ZNF655: variants seen among roughly 807,000 people sequenced by gnomAD.
ZNF655 encodes zinc finger protein 655, also known as Vav-interacting Kruppel-like protein 1.
In ZNF655, 3 loss-of-function variants were observed where a neutral mutation model predicts 6.6. The ratio of observed to expected loss-of-function variants is 0.46; its 90% confidence interval spans 0.21 to 1.18. ZNF655 has a LOEUF of 1.18. ZNF655 is among the 50% of genes most tolerant of loss of function. The probability of loss-of-function intolerance (pLI) is 0.24; values close to 1 mark genes in which losing one functional copy is unlikely to be tolerated. For synonymous variants in ZNF655, 178 were observed against 195.0 expected (o/e 0.91, Z 0.73); for missense variants, 526 against 572.3 (o/e 0.92, Z 0.83).
At chr7:99,563,849 T>C in intron 2 of ZNF655, 2 of 1,602,544 alleles carry the variant, frequency 1.2e-6, no homozygotes, top group East Asian at 4.5e-5. Flanking sequence ...TTCCTGGCTC[T>C]TTAATCTTTG....
At chr7:99,566,041 G>GTGTGTGTATA (rs59166250) in intron 2 of ZNF655, among the ~76,000 whole-genome samples, 6 of 149,996 alleles carry the variant, frequency 4.0e-5, no homozygotes, top group African/African-American at 1.5e-4. Flanking sequence ...GTGTGTGTGT[G>GTGTGTGTATA]TATATATATA....
At chr7:99,562,613 AC>A (rs1803285690) in intron 2 of ZNF655, 2 of 976,128 alleles carry the variant, frequency 2.0e-6, no homozygotes, top group Non-Finnish European at 2.9e-6. Context: ...AGGACTTAGA[AC>A]CTCTGAATCC....
In ZNF655 at chr7:99,563,247, T is replaced by A. The variant is rs1342071829; in HGVS notation, c.136+2552T>A. 4 of 441,596 alleles carry A rather than the reference T, an allele frequency of 9.1e-6. No individual in the cohort carries two copies. In the East Asian group the frequency reaches 3.0e-4, roughly 34 times the overall value. 27.4% of individuals were successfully genotyped at this position (441,596 alleles called of 1,614,324 possible). A position where few individuals can be genotyped will look rare whatever the true frequency, so the allele number is the denominator to read the frequency against. On this transcript the variant is annotated intron_variant, in intron 2 of 2. Transcript: ENST00000252713. ...TGCTGCTGGGAAGCATCAGTGGGGT[T>A]TGTCGGCAGCTCCCTTGGTGTGAGC...
chr7:99,562,183 C>T (rs551719091), intron 2 of ZNF655: 3 of 818,178 alleles, frequency 3.7e-6, no homozygotes, highest in South Asian at 4.2e-5. Context: ...TCTCTTTGTC[C>T]ATGGTTGTGT....
chr7:99,566,039 G>GTA (rs1031240784), intron 2 of ZNF655, among the ~76,000 whole-genome samples: 11 of 151,288 alleles, frequency 7.3e-5, no homozygotes, highest in Non-Finnish European at 1.6e-4. Flanking sequence ...GTGTGTGTGT[G>GTA]TGTATATATA....
In ZNF655 at chr7:99,572,644, A is replaced by G. The variant is rs752646892; in HGVS notation, c.536A>G (p.Asn179Ser). ...NSASGKHEHL[N>S]LTEDFQSSEC... ...GCCTCTGGTAAACATGAACACTTAAATCTAACAGAGGATTTTCAGAGTAGT... is the reference window on the plus strand; with the variant it reads ...GCCTCTGGTAAACATGAACACTTAAGTCTAACAGAGGATTTTCAGAGTAGT... Residue 179 changes from asparagine (N) to serine (S), a missense_variant, in exon 3 of 3, where the codon AAT becomes AGT. Transcript: ENST00000252713. The G allele has an allele frequency of 1.9e-6, 3 of 1,613,608 alleles. No individual in the cohort carries two copies. The highest frequency in any genetic ancestry group is 2.7e-5 in the African/African-American group (2 of 74,930).
At chr7:99,567,974 G>A (rs1026700988) in intron 2 of ZNF655, among the ~76,000 whole-genome samples, 5 of 149,732 alleles carry the variant, frequency 3.3e-5, no homozygotes, top group Admixed American at 6.7e-5. Context: ...CTGGAGAATC[G>A]CTTGAACCCG....
rs189582961 is a variant in ZNF655, at chr7:99,570,069, C to G, written c.137-2176C>G. On this transcript the variant is annotated intron_variant, in intron 2 of 2. Transcript: ENST00000252713. ...ATACCTTCGTACATTACATTAAACA[C>G]ACATCTAAAATCAAACCCCTCATCC... 38 of 152,298 alleles carry G rather than the reference C, an allele frequency of 2.5e-4. No individual in the cohort carries two copies. The East Asian group carries it at 6.2e-3, about 25-fold the overall frequency. The allele number at this position is 152,298 out of a possible 1,614,324, so 9.4% of individuals were successfully genotyped here.
At chr7:99,570,302 G>A (rs376708109) in intron 2 of ZNF655, 1 of 152,144 alleles carries the variant, frequency 6.6e-6, no homozygotes, top group East Asian at 1.9e-4. Context: ...CTTCTGAAAC[G>A]ATTTCATTTG....
At position 99,572,829 on chromosome 7, in the gene ZNF655, A is replaced by C. The variant is rs1804184008; in HGVS notation, c.721A>C (p.Lys241Gln). Residue 241 changes from lysine to glutamine, a missense_variant, in exon 3 of 3, where the codon AAA becomes CAA. Transcript: ENST00000252713. ...AATCCATACTAGAGAGAAGCCCTAC[A>C]AATGTAAAGAATGTGAAAAGTCTTT... ...QRIHTREKPY[K>Q]CKECEKSFSQ... The C allele has an allele frequency of 6.2e-7, 1 of 1,613,972 alleles. No homozygotes were observed. The highest frequency in any genetic ancestry group is 8.5e-7 in the Non-Finnish European group (1 of 1,179,998).
intron 2 of ZNF655, chr7:99,562,251 G>A: frequency 7.5e-7 from 1 of 1,328,406 alleles, no homozygotes; most frequent in Non-Finnish European, 1.0e-6. Flanking sequence ...GTTCTAATCT[G>A]TTCTCCCTCC....
chr7:99,572,176 T>C, intron 2 of ZNF655, 69 bp from the exon 3 acceptor site: 1 of 1,468,966 alleles, frequency 6.8e-7, no homozygotes, highest in East Asian at 2.3e-5. Context: ...AGTTTTCTCA[T>C]CTGAGTTTTC....
chr7:99,563,797 G>A, intron 2 of ZNF655: 1 of 1,557,896 alleles, frequency 6.4e-7, no homozygotes, highest in Non-Finnish European at 8.6e-7. Flanking sequence ...TATTTGTGGG[G>A]AGGCAGGCTG....
In ZNF655 at chr7:99,561,946, A is replaced by G. The variant is rs528562929; in HGVS notation, c.136+1251A>G. 14 of 1,596,712 alleles carry G rather than the reference A, an allele frequency of 8.8e-6. No homozygotes were observed. In the East Asian group the frequency reaches 1.2e-4, roughly 13 times the overall value. Reference sequence around the variant, plus strand: ...GTGAGGGAAGCCCAGGAGACCAGGCAGCTGCGCTCTTGACAGCCAGGTACC... The same window carrying G: ...GTGAGGGAAGCCCAGGAGACCAGGCGGCTGCGCTCTTGACAGCCAGGTACC... On this transcript the variant is annotated intron_variant, in intron 2 of 2. Coordinates refer to ENST00000252713, the MANE Select transcript of ZNF655 (RefSeq NM_138494.3).
chr7:99,561,379 T>C (rs1272273698), intron 2 of ZNF655, among the ~76,000 whole-genome samples: 1 of 151,960 alleles, frequency 6.6e-6, no homozygotes, highest in Non-Finnish European at 1.5e-5. Flanking sequence ...ATGTGTAGAG[T>C]GCTGTGGGGG....
At chr7:99,568,944 C>G (rs1328736119) in intron 2 of ZNF655, among the ~76,000 whole-genome samples, 1 of 152,104 alleles carries the variant, frequency 6.6e-6, no homozygotes, top group Non-Finnish European at 1.5e-5. Context: ...GCCACCATGC[C>G]TGGCTAATTT....
At chr7:99,564,649 T>C (rs185600140) in intron 2 of ZNF655, 1 of 984,542 alleles carries the variant, frequency 1.0e-6, no homozygotes, top group Non-Finnish European at 1.2e-6. Context: ...GTGACATACA[T>C]ATAATTGTAA....
chr7:99,561,275 C>A (rs1319668589), intron 2 of ZNF655, among the ~76,000 whole-genome samples: 1 of 152,120 alleles, frequency 6.6e-6, no homozygotes, highest in Non-Finnish European at 1.5e-5. Flanking sequence ...TCTTTTTCTT[C>A]CTTTGTTTTA....
intron 1 of ZNF655, among the ~76,000 whole-genome samples, chr7:99,559,785 ATTTTTTTTTT>A (rs60274417): frequency 8.4e-6 from 1 of 119,284 alleles, no homozygotes; most frequent in Non-Finnish European, 1.7e-5. Context: ...GGGCCACCTA[ATTTTTTTTTT>A]TTTTTTTTTT....
Sources: allele counts gnomAD v4.1 joint callset (sites outside exome capture counted in the v4.1 genomes callset), GRCh38; gene constraint gnomAD v4.1.1; transcripts MANE v1.5; gene names NCBI Gene and HGNC (gene_info 2026-07-23, HGNC 2026-07-21).